Variants in ARMH3 observed in about 807,000 individuals in gnomAD.
ARMH3 encodes the protein armadillo like helical domain containing 3, also known as armadillo-like helical domain-containing protein 3.
ARMH3 carries 60 observed loss-of-function variants against 99.1 expected under a neutral mutation model. The ratio of observed to expected loss-of-function variants is 0.61; its 90% CI spans 0.49 to 0.75. ARMH3 has a LOEUF of 0.75. Among genes scored for constraint, ARMH3 ranks in the 30% least tolerant of loss-of-function variants. The pLI, the probability that ARMH3 is intolerant of heterozygous loss-of-function variation, is 0.00. For missense variants in ARMH3, 679 were observed against 843.1 expected (o/e 0.81, Z 2.41); for synonymous variants, 285 against 292.8 (o/e 0.97, Z 0.27).
intron 23 of ARMH3, among the ~76,000 whole-genome samples, chr10:101,909,236 GT>G (rs1340095977): frequency 6.6e-6 from 1 of 151,422 alleles, no homozygotes; most frequent in Non-Finnish European, 1.5e-5. Context: ...GCAAAACTCC[GT>G]CTCTACTAAA....
At chr10:102,039,150 ATTT>A (rs535465530) in intron 2 of ARMH3, among the ~76,000 whole-genome samples, 1 of 141,784 alleles carries the variant, frequency 7.1e-6, no homozygotes, top group African/African-American at 2.6e-5. Flanking sequence ...TTGATAGTGT[ATTT>A]TTTTTTTTTG....
intron 24 of ARMH3, among the ~76,000 whole-genome samples, chr10:101,869,835 C>A (rs2067092638): frequency 6.6e-6 from 1 of 152,124 alleles, no homozygotes; most frequent in East Asian, 1.9e-4. Context: ...GAGTTTGAGA[C>A]CAGCCTGAGC....
intron 1 of ARMH3, among the ~76,000 whole-genome samples, chr10:102,044,799 GAAGAA>G (rs1399399985): frequency 1.3e-5 from 2 of 151,692 alleles, no homozygotes; most frequent in Non-Finnish European, 2.9e-5. Context: ...GAAAAGAAGA[GAAGAA>G]AAGAAAAAAG....
At chr10:101,890,168 T>A (rs1158197187) in intron 23 of ARMH3, among the ~76,000 whole-genome samples, 1 of 151,766 alleles carries the variant, frequency 6.6e-6, no homozygotes, top group East Asian at 1.9e-4. Context: ...TAGATCAGGG[T>A]TTTACATGAG....
At chr10:101,982,895 TAAC>T (rs1482252376) in intron 19 of ARMH3, among the ~76,000 whole-genome samples, 1 of 152,110 alleles carries the variant, frequency 6.6e-6, no homozygotes, top group Non-Finnish European at 1.5e-5. Context: ...GATGTAATAA[TAAC>T]AAATAAAATA....
At chr10:101,952,026 T>C (rs890807484) in intron 22 of ARMH3, among the ~76,000 whole-genome samples, 7 of 152,202 alleles carry the variant, frequency 4.6e-5, no homozygotes, top group African/African-American at 1.7e-4. Flanking sequence ...ATAATTTATA[T>C]AGATACCCTT....
chr10:102,019,019 C>T (rs907742062), intron 8 of ARMH3, among the ~76,000 whole-genome samples: 3 of 151,756 alleles, frequency 2.0e-5, no homozygotes, highest in East Asian at 1.9e-4. Flanking sequence ...TGACAATAAA[C>T]GACTATGTTA....
intron 23 of ARMH3, among the ~76,000 whole-genome samples, chr10:101,922,300 T>C (rs1843337268): frequency 1.3e-5 from 2 of 152,226 alleles, no homozygotes; most frequent in East Asian, 1.9e-4. Context: ...TGGAGTGCAG[T>C]GGCACAATCA....
At chr10:102,026,238 T>C (rs2066998982) in intron 5 of ARMH3, among the ~76,000 whole-genome samples, 1 of 152,216 alleles carries the variant, frequency 6.6e-6, no homozygotes, top group Non-Finnish European at 1.5e-5. Context: ...AGAATAAGGA[T>C]TTAAGCATGC....
intron 22 of ARMH3, among the ~76,000 whole-genome samples, chr10:101,942,963 C>A (rs1207285420): frequency 6.6e-6 from 1 of 151,632 alleles, no homozygotes; most frequent in Non-Finnish European, 1.5e-5. Flanking sequence ...ACATATGAAA[C>A]AATGGTTGTC....
At chr10:101,877,943 G>A (rs947493360) in intron 24 of ARMH3, among the ~76,000 whole-genome samples, 6 of 151,386 alleles carry the variant, frequency 4.0e-5, no homozygotes, top group Admixed American at 1.3e-4. Flanking sequence ...AAATGGAATC[G>A]CTATTTTAAA....
At chr10:101,997,301 A>T (rs755798086) in intron 15 of ARMH3, among the ~76,000 whole-genome samples, 2 of 151,704 alleles carry the variant, frequency 1.3e-5, no homozygotes, top group Non-Finnish European at 2.9e-5. Context: ...AATGATAAAT[A>T]CAAAATTCTG....
At chr10:101,897,977 CTT>C (rs1351273775) in intron 23 of ARMH3, among the ~76,000 whole-genome samples, 2 of 152,182 alleles carry the variant, frequency 1.3e-5, no homozygotes, top group Non-Finnish European at 2.9e-5. Flanking sequence ...AAGCAGCTCT[CTT>C]TTCCCAAGTG....
intron 14 of ARMH3, among the ~76,000 whole-genome samples, chr10:102,002,659 A>AGACTGAAAACAGAT (rs1248144835): frequency 5.9e-5 from 9 of 152,094 alleles, no homozygotes; most frequent in Non-Finnish European, 1.3e-4. Flanking sequence ...AAGTAATAGT[A>AGACTGAAAACAGAT]GACTGAAAAC....
At chr10:101,996,427 CT>C (rs1299680829) in intron 15 of ARMH3, among the ~76,000 whole-genome samples, 1 of 152,156 alleles carries the variant, frequency 6.6e-6, no homozygotes, top group African/African-American at 2.4e-5. Flanking sequence ...CACAAATATA[CT>C]CACATCTCCT....
At chr10:101,850,263 GT>G (rs1295272339) in intron 24 of ARMH3, among the ~76,000 whole-genome samples, 1 of 151,168 alleles carries the variant, frequency 6.6e-6, no homozygotes, top group African/African-American at 2.4e-5. Flanking sequence ...ACACCTGGCT[GT>G]TTTTTATATG....
At chr10:101,974,755 G>A (rs1027943137) in intron 20 of ARMH3, among the ~76,000 whole-genome samples, 12 of 151,882 alleles carry the variant, frequency 7.9e-5, no homozygotes, top group Admixed American at 1.3e-4. Context: ...CAGGATTCCC[G>A]CATCTCCCCA....
At chr10:101,918,701 T>TCTCCATTTA (rs1477371570) in intron 23 of ARMH3, among the ~76,000 whole-genome samples, 6 of 152,232 alleles carry the variant, frequency 3.9e-5, no homozygotes, top group Admixed American at 1.3e-4. Flanking sequence ...AGCAATTTAA[T>TCTCCATTTA]CTGGCAAGTA....
chr10:102,035,008 G>A (rs543184097), intron 2 of ARMH3, among the ~76,000 whole-genome samples: 1 of 152,088 alleles, frequency 6.6e-6, no homozygotes, highest in East Asian at 1.9e-4. Flanking sequence ...GGGCTGAGGC[G>A]GGTGGATCAC....
Sources: allele counts gnomAD v4.1 joint callset (sites outside exome capture counted in the v4.1 genomes callset), GRCh38; gene constraint gnomAD v4.1.1; transcripts MANE v1.5; gene names NCBI Gene and HGNC (gene_info 2026-07-23, HGNC 2026-07-21).